The following MALRD1 variants were observed in gnomAD, a reference collection of about 807,000 sequenced individuals.
MALRD1 encodes MAM and LDL receptor class A domain containing 1.
MALRD1 carries 247 observed loss-of-function variants against 242.1 expected under a neutral mutation model. The ratio of observed to expected loss-of-function variants is 1.02; its 90% CI spans 0.92 to 1.13. The LOEUF is 1.13. Ranked by LOEUF, MALRD1 falls within the 50% of genes most tolerant of loss-of-function variation. The pLI is 0.00. For missense variants in MALRD1, 2,989 were observed against 2,533.1 expected, an observed-to-expected ratio of 1.18 and a Z score of -3.86; for synonymous variants, 995 against 866.6, an observed-to-expected ratio of 1.15 and a Z score of -2.60.
chr10:19,707,058 C>G (rs1833896861), intron 38 of MALRD1, among the ~76,000 whole-genome samples: 1 of 150,630 alleles, frequency 6.6e-6, no homozygotes, highest in Non-Finnish European at 1.5e-5. Context: ...TCTTCCTCCT[C>G]CTCCTTTCTT....
intron 29 of MALRD1, among the ~76,000 whole-genome samples, chr10:19,482,445 A>G (rs897961052): frequency 3.3e-5 from 5 of 152,058 alleles, no homozygotes; most frequent in African/African-American, 1.2e-4. Flanking sequence ...GGGAAGAGAA[A>G]GAAATAAAAG....
At chr10:19,724,766 T>C (rs868161577) in intron 38 of MALRD1, among the ~76,000 whole-genome samples, 1 of 152,108 alleles carries the variant, frequency 6.6e-6, no homozygotes. Flanking sequence ...CGCATTCAAA[T>C]TGGAAAAGAA....
chr10:19,650,872 C>T (rs2225082), intron 36 of MALRD1, among the ~76,000 whole-genome samples: 6,513 of 152,214 alleles, frequency 0.043, 189 homozygotes, highest in Middle Eastern at 0.092. Context: ...GCAGTTTCTA[C>T]TAAGAGTGAG....
At chr10:19,713,197 G>T (rs1428688428) in intron 38 of MALRD1, among the ~76,000 whole-genome samples, 1 of 151,950 alleles carries the variant, frequency 6.6e-6, no homozygotes, top group African/African-American at 2.4e-5. Flanking sequence ...GAAATAAAAA[G>T]ACACATAAAA....
rs116294356 is a variant in MALRD1, at chr10:19,100,810, G to A, written c.598-3169G>A. Among the ~76,000 whole-genome samples, 365 of 151,846 alleles carry A rather than the reference G, an allele frequency of 2.4e-3. 1 individual carries two copies. Among genetic ancestry groups the A allele is most frequent in the African/African-American group, 8.5e-3 (352 of 41,416 alleles). On this transcript the variant is annotated intron_variant, in intron 4 of 39. Coordinates refer to ENST00000454679, the MANE Select transcript of MALRD1 (RefSeq NM_001142308.3). Reference sequence around the variant, plus strand: ...ATGGTGTTTTTTTTTGGTGAGGAGTGTGGAGAAAAAAAACCAGAGACATGT... The same window carrying A: ...ATGGTGTTTTTTTTTGGTGAGGAGTATGGAGAAAAAAAACCAGAGACATGT...
At chr10:19,639,432 A>G (rs1193001003) in intron 36 of MALRD1, among the ~76,000 whole-genome samples, 1 of 152,214 alleles carries the variant, frequency 6.6e-6, no homozygotes, top group Non-Finnish European at 1.5e-5. Context: ...TGGAGATGCC[A>G]TACCCTTTAA....
intron 38 of MALRD1, among the ~76,000 whole-genome samples, chr10:19,704,498 C>T (rs1329542738): frequency 6.6e-6 from 1 of 152,178 alleles, no homozygotes. Flanking sequence ...CTTCCAAGGG[C>T]CCCACCTCCT....
intron 34 of MALRD1, 71 bp downstream of exon 34, chr10:19,595,528 A>G (rs751183348): frequency 4.1e-6 from 6 of 1,454,590 alleles, no homozygotes; most frequent in Non-Finnish European, 5.5e-6. Flanking sequence ...AAAGCTCGAC[A>G]GATAAAATGA....
intron 32 of MALRD1, among the ~76,000 whole-genome samples, chr10:19,535,727 T>G (rs1464967806): frequency 6.6e-6 from 1 of 152,096 alleles, no homozygotes; most frequent in Non-Finnish European, 1.5e-5. Flanking sequence ...GAAACTTGTA[T>G]TAGCTTTCTA....
chr10:19,145,647 C>G (rs1833702599), intron 10 of MALRD1, among the ~76,000 whole-genome samples: 1 of 127,590 alleles, frequency 7.8e-6, no homozygotes, highest in Non-Finnish European at 1.7e-5. Context: ...GAGCGAGACT[C>G]TGCCTTAAAA....
chr10:19,371,092 T>TAA (rs759092754), intron 26 of MALRD1, among the ~76,000 whole-genome samples: 5,951 of 123,654 alleles, frequency 0.048, 280 homozygotes, highest in African/African-American at 0.11. Flanking sequence ...TCTACGAAAT[T>TAA]AAAAAAAAAA....
intron 5 of MALRD1, among the ~76,000 whole-genome samples, chr10:19,116,204 A>T (rs2131365240): frequency 6.6e-6 from 1 of 152,302 alleles, no homozygotes; most frequent in East Asian, 1.9e-4. Context: ...AATAACACTG[A>T]TTCTTAAAGA....
chr10:19,649,775 G>T (rs1840789756), intron 36 of MALRD1, among the ~76,000 whole-genome samples: 1 of 152,070 alleles, frequency 6.6e-6, no homozygotes, highest in Non-Finnish European at 1.5e-5. Context: ...ATTGCTTTTG[G>T]TGTCTTTGTC....
intron 29 of MALRD1, among the ~76,000 whole-genome samples, chr10:19,470,147 C>T (rs1479301085): frequency 1.3e-5 from 2 of 151,974 alleles, no homozygotes; most frequent in South Asian, 2.1e-4. Context: ...CCATTCTATG[C>T]TTCTGTGAAT....
chr10:19,597,126 T>C (rs1247954438), intron 34 of MALRD1, among the ~76,000 whole-genome samples: 7 of 152,186 alleles, frequency 4.6e-5, no homozygotes, highest in African/African-American at 7.2e-5. Flanking sequence ...ATATTCTCTC[T>C]GAGATAAAGC....
chr10:19,573,845 C>A (rs568028447), intron 33 of MALRD1, among the ~76,000 whole-genome samples: 8 of 152,254 alleles, frequency 5.3e-5, no homozygotes, highest in Admixed American at 3.3e-4. Context: ...GGTGCTACAA[C>A]ATGTTCAAAC....
chr10:19,356,461 TA>T (rs541280531), intron 26 of MALRD1, among the ~76,000 whole-genome samples: 2 of 152,308 alleles, frequency 1.3e-5, no homozygotes, highest in African/African-American at 4.8e-5. Flanking sequence ...GTCACATTTT[TA>T]AAAACGAAAT....
intron 18 of MALRD1, among the ~76,000 whole-genome samples, chr10:19,244,689 C>A (rs1176744725): frequency 6.6e-6 from 1 of 152,166 alleles, no homozygotes; most frequent in Non-Finnish European, 1.5e-5. Context: ...ATGAAGCCAG[C>A]ATACACAGCA....
At chr10:19,542,446 T>C (rs1270166872) in intron 32 of MALRD1, among the ~76,000 whole-genome samples, 1 of 151,884 alleles carries the variant, frequency 6.6e-6, no homozygotes, top group Non-Finnish European at 1.5e-5. Flanking sequence ...TTTTAATAAT[T>C]ATATAATCCT....
Sources: gnomAD v4.1 joint callset for allele counts (sites outside exome capture counted in the v4.1 genomes callset) on GRCh38, gnomAD v4.1.1 for gene constraint, MANE v1.5 for transcripts, NCBI Gene and HGNC (gene_info 2026-07-23, HGNC 2026-07-21) for gene names.